CHRM3: variants seen among roughly 807,000 people sequenced by gnomAD.
CHRM3 encodes muscarinic acetylcholine receptor M3.
A neutral mutation model predicts 41.8 loss-of-function variants in CHRM3; 11 were observed. The ratio of observed to expected loss-of-function variants is 0.26; its 90% CI spans 0.17 to 0.44. CHRM3 has a LOEUF of 0.44. CHRM3 is among the 20% of genes least tolerant of loss of function. The pLI is 1.00. For synonymous variants in CHRM3, 297 were observed against 301.4 expected (o/e 0.99, Z 0.15); for missense variants, 571 against 745.4 (o/e 0.77, Z 2.72).
chr1:239,672,178 T>C (rs1362837038), intron 4 of CHRM3, among the ~76,000 whole-genome samples: 4 of 152,118 alleles, frequency 2.6e-5, no homozygotes, highest in Non-Finnish European at 4.4e-5. Context: ...CAGTGTGACG[T>C]AGGTGGGACC....
chr1:239,770,824 C>T (rs1487155881), intron 5 of CHRM3, among the ~76,000 whole-genome samples: 1 of 152,122 alleles, frequency 6.6e-6, no homozygotes, highest in Non-Finnish European at 1.5e-5. Context: ...TACAGGCTCA[C>T]ACCTGTAATC....
chr1:239,789,239 A>C (rs1000879841), intron 5 of CHRM3, among the ~76,000 whole-genome samples: 4 of 152,210 alleles, frequency 2.6e-5, no homozygotes, highest in Non-Finnish European at 5.9e-5. Flanking sequence ...CAGTGCTCAA[A>C]TTATGCCTAA....
intron 1 of CHRM3, among the ~76,000 whole-genome samples, chr1:239,408,538 A>AC (rs1406380707): frequency 1.5e-3 from 230 of 151,304 alleles, no homozygotes; most frequent in African/African-American, 5.0e-3. Context: ...AAAAAAAAAA[A>AC]AAAAAACTCT....
At chr1:239,867,258 G>A (rs915647844) in intron 6 of CHRM3, among the ~76,000 whole-genome samples, 5 of 152,194 alleles carry the variant, frequency 3.3e-5, no homozygotes, top group African/African-American at 1.2e-4. Flanking sequence ...ATTGTGCTGA[G>A]GACGGCGAAG....
At chr1:239,506,282 G>A (rs1668565074) in intron 2 of CHRM3, among the ~76,000 whole-genome samples, 1 of 152,106 alleles carries the variant, frequency 6.6e-6, no homozygotes, top group Admixed American at 6.5e-5. Flanking sequence ...CCCATCACAA[G>A]CCCAGAGACA....
chr1:239,648,161 C>T (rs1047484837), intron 4 of CHRM3, among the ~76,000 whole-genome samples: 11 of 152,250 alleles, frequency 7.2e-5, no homozygotes, highest in Admixed American at 3.9e-4. Flanking sequence ...TCTAGGGGGC[C>T]GCTCTGCCCT....
At chr1:239,775,135 C>T (rs540242994) in intron 5 of CHRM3, among the ~76,000 whole-genome samples, 1 of 152,004 alleles carries the variant, frequency 6.6e-6, no homozygotes, top group Non-Finnish European at 1.5e-5. Context: ...GGGATCATGG[C>T]TAAAAAAAAA....
intron 3 of CHRM3, among the ~76,000 whole-genome samples, chr1:239,584,022 T>C (rs905020271): frequency 2.6e-5 from 4 of 151,674 alleles, no homozygotes; most frequent in African/African-American, 9.7e-5. Context: ...GTCCTTCACC[T>C]CCTCCCAGAC....
At chr1:239,847,681 A>G (rs1216067487) in intron 6 of CHRM3, among the ~76,000 whole-genome samples, 1 of 152,138 alleles carries the variant, frequency 6.6e-6, no homozygotes, top group Non-Finnish European at 1.5e-5. Context: ...CCTGGGCAAC[A>G]TAGTGAGACC....
At chr1:239,440,921 T>C (rs1205050991) in intron 1 of CHRM3, among the ~76,000 whole-genome samples, 2 of 152,084 alleles carry the variant, frequency 1.3e-5, no homozygotes, top group African/African-American at 4.8e-5. Context: ...CTGGAATGAC[T>C]GAATTGACAT....
At chr1:239,519,482 T>A (rs1310017527) in intron 2 of CHRM3, among the ~76,000 whole-genome samples, 1 of 152,174 alleles carries the variant, frequency 6.6e-6, no homozygotes, top group East Asian at 1.9e-4. Context: ...TTTCTATGAT[T>A]GACACATCAA....
At chr1:239,511,638 T>C (rs1187216581) in intron 2 of CHRM3, among the ~76,000 whole-genome samples, 1 of 152,156 alleles carries the variant, frequency 6.6e-6, no homozygotes, top group East Asian at 1.9e-4. Context: ...TGGGACAAAA[T>C]TATATAAAGA....
chr1:239,450,109 TGA>T (rs1252232770), intron 1 of CHRM3, among the ~76,000 whole-genome samples: 1 of 152,186 alleles, frequency 6.6e-6, no homozygotes, highest in Non-Finnish European at 1.5e-5. Flanking sequence ...CTCCTCCCCG[TGA>T]GAGTCTTGTT....
chr1:239,693,278 A>T (rs943150918), intron 5 of CHRM3, among the ~76,000 whole-genome samples: 1 of 152,182 alleles, frequency 6.6e-6, no homozygotes, highest in African/African-American at 2.4e-5. Flanking sequence ...TCTGCATTAA[A>T]GCCCCAACCC....
chr1:239,866,409 A>C (rs488822), intron 6 of CHRM3, among the ~76,000 whole-genome samples: 3,465 of 152,022 alleles, frequency 0.023, 54 homozygotes, highest in Non-Finnish European at 0.035. Flanking sequence ...CAAAAACAAA[A>C]AAAAAAAAGC....
intron 5 of CHRM3, among the ~76,000 whole-genome samples, chr1:239,761,605 G>A (rs1263820699): frequency 1.3e-5 from 2 of 152,180 alleles, no homozygotes; most frequent in Non-Finnish European, 2.9e-5. Flanking sequence ...ACCAAAAAGT[G>A]CCTACTCTGG....
chr1:239,533,747 A>C (rs1335159347), intron 2 of CHRM3, among the ~76,000 whole-genome samples: 3 of 145,280 alleles, frequency 2.1e-5, no homozygotes, highest in African/African-American at 2.7e-5. Context: ...AAAAAAAAAA[A>C]AAACAAAAAA....
chr1:239,748,525 G>A lies in CHRM3; in HGVS notation c.-147+70237G>A, dbSNP rs1042809146. 2.0e-5 allele frequency among the ~76,000 whole-genome samples: 3 copies of A among 152,212 alleles called. No individual in the cohort carries two copies. The highest frequency in any genetic ancestry group is 7.2e-5 in the African/African-American group (3 of 41,456). ...TGCAGTGTGTTTTAGTTAATGAAGT[G>A]TCTGGACAGCTGAGTCATAAATTCT... On this transcript the variant is annotated intron_variant, in intron 5 of 6. Transcript: ENST00000676153. This position sits in a 1 kb window ranked among gnomAD's most constrained non-coding sequence, Gnocchi z 4.3.
chr1:239,444,253 A>G (rs1663957591), intron 1 of CHRM3, among the ~76,000 whole-genome samples: 1 of 152,196 alleles, frequency 6.6e-6, no homozygotes, highest in African/African-American at 2.4e-5. Flanking sequence ...AACTGTCTCC[A>G]TATATTTTAA....
Sources: allele counts gnomAD v4.1 joint callset (sites outside exome capture counted in the v4.1 genomes callset), GRCh38; gene constraint gnomAD v4.1.1; non-coding constraint Gnocchi (gnomAD v3.1); transcripts MANE v1.5; gene names NCBI Gene and HGNC (gene_info 2026-07-23, HGNC 2026-07-21).